HHAT: variants seen among roughly 807,000 people sequenced by gnomAD.
The protein encoded by HHAT is hedgehog acyltransferase.
Under a neutral mutation model 70.8 loss-of-function variants are expected in HHAT, and 47 were observed. The observed-to-expected ratio is 0.66, with a 90% CI of 0.53 to 0.85. The LOEUF (loss-of-function observed/expected upper bound fraction) is 0.85, where lower values mean the gene tolerates loss of function less well. Ranked by LOEUF, HHAT falls within the 40% of genes least tolerant of loss-of-function variation. HHAT has a pLI of 0.00. For missense variants in HHAT, 609 were observed against 604.8 expected, an observed-to-expected ratio of 1.01 and a Z score of -0.07; for synonymous variants, 228 against 247.6, an observed-to-expected ratio of 0.92 and a Z score of 0.74.
At chr1:210,593,394 C>G (rs961585570) in intron 10 of HHAT, among the ~76,000 whole-genome samples, 1 of 152,034 alleles carries the variant, frequency 6.6e-6, no homozygotes, top group South Asian at 2.1e-4. Context: ...TCATTTGTTT[C>G]AAGGAGTTTT....
intron 8 of HHAT, among the ~76,000 whole-genome samples, chr1:210,469,415 C>G (rs981807517): frequency 1.3e-5 from 2 of 152,122 alleles, no homozygotes; most frequent in East Asian, 1.9e-4. Context: ...ACCAGGATCC[C>G]TGTGCTAAAG....
chr1:210,393,921 C>G (rs972945191), intron 4 of HHAT, among the ~76,000 whole-genome samples: 1 of 152,176 alleles, frequency 6.6e-6, no homozygotes, highest in African/African-American at 2.4e-5. Context: ...CATTAGCTCT[C>G]TGCTTTCACC....
chr1:210,489,413 A>C (rs1198163199), intron 8 of HHAT, among the ~76,000 whole-genome samples: 1 of 152,194 alleles, frequency 6.6e-6, no homozygotes, highest in Admixed American at 6.5e-5. Context: ...TAATTGCCTT[A>C]CATAATTTAA....
intron 8 of HHAT, among the ~76,000 whole-genome samples, chr1:210,482,802 A>T (rs2094417338): frequency 6.6e-6 from 1 of 152,178 alleles, no homozygotes; most frequent in Admixed American, 6.5e-5. Flanking sequence ...TCAGGTTGAT[A>T]CCTCTTTAAG....
chr1:210,556,551 G>A (rs186107680), intron 9 of HHAT, among the ~76,000 whole-genome samples: 65 of 152,218 alleles, frequency 4.3e-4, no homozygotes, highest in African/African-American at 1.6e-3. Flanking sequence ...TCGCCTTTGG[G>A]CTTCCAAACA....
intron 7 of HHAT, chr1:210,462,899 A>G (rs2094008901): frequency 6.6e-6 from 1 of 152,230 alleles, no homozygotes; most frequent in African/African-American, 2.4e-5. Context: ...TACCTCTCTG[A>G]AGCTTGGTTA....
At chr1:210,564,252 C>T (rs1365776925) in intron 9 of HHAT, among the ~76,000 whole-genome samples, 2 of 152,060 alleles carry the variant, frequency 1.3e-5, no homozygotes, top group African/African-American at 2.4e-5. Flanking sequence ...CATGAGCCAC[C>T]GCGCCTGGCT....
At chr1:210,504,624 C>T (rs776609325) in intron 8 of HHAT, among the ~76,000 whole-genome samples, 21 of 152,180 alleles carry the variant, frequency 1.4e-4, no homozygotes, top group Non-Finnish European at 2.6e-4. Context: ...ATGCCCAGAT[C>T]TCAAGCTTGT....
rs376210635 is a variant in HHAT at position 210,392,587 on chromosome 1, A to T, written c.273+5006A>T. On this transcript the variant is annotated intron_variant, in intron 4 of 11. Transcript: ENST00000261458. ...ACAAGTAACCTAAAACTTAGATAAA[A>T]TATAGTACTAATCTTCTACAAATGT... 6.0e-4 allele frequency among the ~76,000 whole-genome samples: 92 copies of T among 152,260 alleles called. 5 individuals are homozygous for T. The South Asian group carries it at 0.019, about 31-fold the overall frequency.
chr1:210,623,466 A>G (rs1359925985), intron 10 of HHAT, 60 bp from the exon 11 acceptor site: 24 of 1,597,082 alleles, frequency 1.5e-5, no homozygotes, highest in African/African-American at 2.7e-5. Context: ...GCTGGATGGT[A>G]TCTTAGCCCC....
chr1:210,522,628 A>G (rs1403645663), intron 9 of HHAT, among the ~76,000 whole-genome samples: 2 of 152,172 alleles, frequency 1.3e-5, no homozygotes, highest in African/African-American at 4.8e-5. Flanking sequence ...TCTGGAGGAA[A>G]AGAATAAGAC....
At chr1:210,661,668 T>C (rs907511706) in intron 11 of HHAT, among the ~76,000 whole-genome samples, 2 of 152,174 alleles carry the variant, frequency 1.3e-5, no homozygotes, top group African/African-American at 4.8e-5. Flanking sequence ...CCATCAATGA[T>C]AGACTGGATT....
At chr1:210,616,780 A>T (rs929173527) in intron 10 of HHAT, among the ~76,000 whole-genome samples, 1 of 152,230 alleles carries the variant, frequency 6.6e-6, no homozygotes, top group Non-Finnish European at 1.5e-5. Flanking sequence ...TAATTCAGGT[A>T]AGTTACTTAA....
At chr1:210,614,119 A>G (rs1370000402) in intron 10 of HHAT, among the ~76,000 whole-genome samples, 3 of 151,834 alleles carry the variant, frequency 2.0e-5, no homozygotes, top group South Asian at 2.1e-4. Flanking sequence ...TTCATTATAC[A>G]AATTTTTTGC....
chr1:210,528,402 G>T (rs1277611631), intron 9 of HHAT, among the ~76,000 whole-genome samples: 2 of 152,196 alleles, frequency 1.3e-5, no homozygotes, highest in Admixed American at 6.5e-5. Flanking sequence ...ATTGTCCATG[G>T]CTGGGCCATG....
At chr1:210,617,932 G>C (rs1048372005) in intron 10 of HHAT, among the ~76,000 whole-genome samples, 3 of 152,186 alleles carry the variant, frequency 2.0e-5, no homozygotes, top group African/African-American at 7.2e-5. Flanking sequence ...AGAACATTAA[G>C]GAACTCAGGA....
intron 9 of HHAT, among the ~76,000 whole-genome samples, chr1:210,545,462 A>T: frequency 7.4e-6 from 1 of 135,228 alleles, no homozygotes; most frequent in Non-Finnish European, 1.5e-5. Context: ...TTGAGATCAG[A>T]GTCACACTCT....
chr1:210,350,309 A>G (rs2086901540), intron 2 of HHAT, among the ~76,000 whole-genome samples: 2 of 152,240 alleles, frequency 1.3e-5, no homozygotes, highest in Admixed American at 6.5e-5. Flanking sequence ...CATTCGGACA[A>G]TGGAATTTGC....
chr1:210,432,162 T>G (rs1302696311), intron 7 of HHAT, among the ~76,000 whole-genome samples: 2 of 151,924 alleles, frequency 1.3e-5, no homozygotes, highest in East Asian at 3.9e-4. Context: ...GGAGTGAGAT[T>G]GGCAATGGAG....
Sources: allele counts gnomAD v4.1 joint callset (sites outside exome capture counted in the v4.1 genomes callset), GRCh38; gene constraint gnomAD v4.1.1; transcripts MANE v1.5; gene names NCBI Gene and HGNC (gene_info 2026-07-23, HGNC 2026-07-21).